The following SYTL4 variants were observed in gnomAD, a reference collection of about 807,000 sequenced individuals.
SYTL4 encodes the protein synaptotagmin like 4.
SYTL4 carries 16 observed loss-of-function variants against 52.7 expected under a neutral mutation model. That is an observed-to-expected ratio of 0.30 (90% CI 0.21 to 0.46). The LOEUF (loss-of-function observed/expected upper bound fraction) is 0.46. Ranked by LOEUF, SYTL4 falls within the 20% of genes least tolerant of loss-of-function variation. SYTL4 has a pLI of 1.00. For missense variants in SYTL4, 423 were observed against 519.9 expected (o/e 0.81, Z 1.81); for synonymous variants, 160 against 186.6 (o/e 0.86, Z 1.16).
intron 8 of SYTL4, among the ~76,000 whole-genome samples, chrX:100,692,520 A>T (rs900245176): frequency 8.9e-6 from 1 of 111,810 alleles, no homozygotes; most frequent in African/African-American, 3.3e-5. Context: ...GGTGACCAGA[A>T]TTCTTTTTTT....
rs542289304 is a variant in SYTL4 at position 100,715,280 on chromosome X, C to T, written c.-239-10394G>A. 2.7e-5 allele frequency among the ~76,000 whole-genome samples: 3 copies of T among 112,153 alleles called. No individual in the cohort carries two copies. The South Asian group carries it at 1.1e-3, about 42-fold the overall frequency. ...TCAAGTGATCCTCCTGCCTCGGCCTCCCAAAGGGCTGGGATTACAGGCATG... is the reference window on the plus strand; with the variant it reads ...TCAAGTGATCCTCCTGCCTCGGCCTTCCAAAGGGCTGGGATTACAGGCATG... On this transcript the variant is annotated intron_variant, in intron 2 of 19. Transcript: ENST00000372989.
At chrX:100,718,904 T>G (rs943525427) in intron 2 of SYTL4, among the ~76,000 whole-genome samples, 5 of 108,923 alleles carry the variant, frequency 4.6e-5, no homozygotes, top group African/African-American at 1.3e-4. Context: ...GTTCAAGGGA[T>G]TCTCCTGCCT....
chrX:100,675,994 C>T lies in SYTL4; in HGVS notation c.*34G>A, dbSNP rs186949124. ...TTCTTCACTTCCTCTGACCTGCCCT[C>T]GCCAGGGCTGGACCTGCAGAAGAGG... On this transcript the variant is annotated 3_prime_UTR_variant, in exon 20 of 20. Transcript: ENST00000372989. The T allele has an allele frequency of 2.8e-4, 333 of 1,191,640 alleles. 1 individual carries two copies. The African/African-American group carries it at 4.9e-3, about 17-fold the overall frequency.
At chrX:100,698,767 TA>T (rs2083770234) in intron 8 of SYTL4, among the ~76,000 whole-genome samples, 1 of 111,623 alleles carries the variant, frequency 9.0e-6, no homozygotes, top group African/African-American at 3.3e-5. Context: ...AAATCAGAAA[TA>T]GAGAAGTTGT....
Position 100,689,873 on chromosome X carries a change from C to T in SYTL4, c.895G>A (p.Gly299Ser), listed in dbSNP as rs1393164142. The change falls in exon 12 of 20, where the codon GGC becomes AGC. Residue 299 changes from glycine (G) to serine (S), a missense_variant. Coordinates refer to ENST00000372989, the MANE Select transcript of SYTL4 (RefSeq NM_001370165.1). ...GCACCTACCATATCCACATTGAGGC[C>T]TGGGACGGATTTGCTTCTGTCTCCC... ...SLGDRSKSVP[G>S]LNVDMEEEEE... 5.8e-6 allele frequency: 7 copies of T among 1,204,299 alleles called. No homozygotes were observed. Among genetic ancestry groups the T allele is most frequent in the Non-Finnish European group, 7.9e-6 (7 of 889,318 alleles).
chrX:100,687,166 A>G lies in SYTL4; in HGVS notation c.1085T>C (p.Phe362Ser). ...GNIFVTGRIAFSLKYEQQTQS... is the reference protein window; with the variant it reads ...GNIFVTGRIASSLKYEQQTQS... ...GGTTTGCTGCTCATACTTCAGGGAAAAGGCAATCCTGCCAGTCACAAAGAT... is the reference window on the plus strand; with the variant it reads ...GGTTTGCTGCTCATACTTCAGGGAAGAGGCAATCCTGCCAGTCACAAAGAT... Residue 362 changes from phenylalanine to serine, a missense_variant, in exon 14 of 20, where the codon TTT becomes TCT. Phe to Ser is a radical substitution (Grantham distance 155, BLOSUM62 -2). Transcript: ENST00000372989. 1 of 1,211,348 alleles carries G rather than the reference A, an allele frequency of 8.3e-7. No individual in the cohort carries two copies. Among genetic ancestry groups the G allele is most frequent in the Non-Finnish European group, 1.1e-6 (1 of 895,134 alleles).
At chrX:100,708,267 A>G (rs1458448422) in intron 2 of SYTL4, among the ~76,000 whole-genome samples, 1 of 111,691 alleles carries the variant, frequency 9.0e-6, no homozygotes, top group African/African-American at 3.3e-5. Flanking sequence ...AATTATACAT[A>G]TTTACTACTA....
At chrX:100,713,015 A>C (rs2084105431) in intron 2 of SYTL4, among the ~76,000 whole-genome samples, 1 of 112,420 alleles carries the variant, frequency 8.9e-6, no homozygotes, top group Admixed American at 9.4e-5. Flanking sequence ...AGCAACTGGA[A>C]CTCTCATACA....
At chrX:100,690,218 G>C (rs2083566828) in intron 10 of SYTL4, 53 bp from the exon 11 acceptor site, 3 of 914,501 alleles carry the variant, frequency 3.3e-6, no homozygotes, top group Middle Eastern at 2.7e-4. Context: ...ATAGGTAGAA[G>C]GAGTGAGTAA....
Position 100,701,594 on chromosome X carries a change from C to G in SYTL4, c.190G>C (p.Ala64Pro). The G allele has an allele frequency of 8.3e-7, 1 of 1,211,814 alleles. No individual in the cohort carries two copies. Residue 64 changes from alanine (A) to proline (P), a missense_variant, in exon 6 of 20, where the codon GCC becomes CCC. Coordinates refer to ENST00000372989, the MANE Select transcript of SYTL4 (RefSeq NM_001370165.1). Reference sequence around the variant, plus strand: ...CGGCCCAGGCTCTCCTGGCACCGGGCACAGGTCCGATCACTGTAGTGTTGG... The same window carrying G: ...CGGCCCAGGCTCTCCTGGCACCGGGGACAGGTCCGATCACTGTAGTGTTGG... ...GSQHYSDRTCARCQESLGRLS... is the reference protein window; with the variant it reads ...GSQHYSDRTCPRCQESLGRLS...
chrX:100,708,040 A>T (rs1236493681), intron 2 of SYTL4, among the ~76,000 whole-genome samples: 1 of 103,989 alleles, frequency 9.6e-6, no homozygotes, highest in Non-Finnish European at 2.0e-5. Flanking sequence ...ACACATGGAC[A>T]CAGGGAGGGG....
chrX:100,699,702 G>A (rs1442525199), intron 8 of SYTL4, among the ~76,000 whole-genome samples: 7 of 97,991 alleles, frequency 7.1e-5, no homozygotes, highest in Admixed American at 2.2e-4. Context: ...CACCATGTTG[G>A]CTAGGATGGT....
Position 100,699,482 on chromosome X carries a change from C to CATTTTT in SYTL4, c.539+1414_539+1415insAAAAAT, listed in dbSNP as rs1313181387. Among the ~76,000 whole-genome samples the CATTTTT allele has an allele frequency of 1.7e-4, 10 of 59,871 alleles. 1 individual carries two copies. The highest frequency in any genetic ancestry group is 2.2e-4 in the Non-Finnish European group (8 of 36,701). The allele number at this position is 59,871 out of a possible 115,157, so 52.0% of individuals were successfully genotyped here. On this transcript the variant is annotated intron_variant, in intron 8 of 19. Transcript: ENST00000372989. ...AATGAATGTTCATAGCAGCATTACT[C>CATTTTT]TTTTTTTTTTTTTTTTTTTTTTTTT...
chrX:100,700,114 G>C (rs1475342567), intron 8 of SYTL4, among the ~76,000 whole-genome samples: 1 of 111,230 alleles, frequency 9.0e-6, no homozygotes, highest in Non-Finnish European at 1.9e-5. Context: ...GTTTCTTTTT[G>C]AGGTGATGAA....
At chrX:100,682,758 G>A (rs1308525489) in intron 16 of SYTL4, among the ~76,000 whole-genome samples, 1 of 111,660 alleles carries the variant, frequency 9.0e-6, no homozygotes, top group Non-Finnish European at 1.9e-5. Context: ...AGGGCTAGGT[G>A]AAACTCTGTT....
Position 100,686,037 on chromosome X carries a change from A to G in SYTL4, c.1402T>C (p.Trp468Arg). ...TGATCCAGTTTCTTATCAAGCTTCC[A>G]GGAATCCATCTGGATCTCTGCCTCT... is the stretch of plus-strand genomic sequence containing the variant. ...LGEAEIQMDSWKLDKKLDHCL... is the reference protein window; with the variant it reads ...LGEAEIQMDSRKLDKKLDHCL... Residue 468 changes from tryptophan (W) to arginine (R), a missense_variant, in exon 16 of 20, where the codon TGG becomes CGG. Transcript: ENST00000372989. 8.3e-7 allele frequency: 1 copy of G among 1,205,797 alleles called. No individual in the cohort carries two copies. Among genetic ancestry groups the G allele is most frequent in the East Asian group, 3.0e-5 (1 of 33,678 alleles).
At chrX:100,682,278 A>G (rs940280952) in intron 16 of SYTL4, among the ~76,000 whole-genome samples, 1 of 111,653 alleles carries the variant, frequency 9.0e-6, no homozygotes, top group Non-Finnish European at 1.9e-5. Context: ...ATGAAAGACA[A>G]CTTTCCCTTT....
At chrX:100,685,068 C>T (rs1329937125) in intron 16 of SYTL4, 5 of 112,664 alleles carry the variant, frequency 4.4e-5, no homozygotes, top group African/African-American at 1.6e-4. Context: ...ACCTACTTTC[C>T]TTTTAATATA....
At chrX:100,724,249 G>C (rs747543501) in intron 2 of SYTL4, among the ~76,000 whole-genome samples, 8,489 of 103,698 alleles carry the variant, frequency 0.082, 1,048 homozygotes, top group African/African-American at 0.3. Flanking sequence ...GGGAGGTGGG[G>C]GGGGTCAGCG....
Sources: gnomAD v4.1 joint callset for allele counts (sites outside exome capture counted in the v4.1 genomes callset) on GRCh38, gnomAD v4.1.1 for gene constraint, MANE v1.5 for transcripts, NCBI Gene and HGNC (gene_info 2026-07-23, HGNC 2026-07-21) for gene names.